TACC2: variants seen among roughly 807,000 people sequenced by gnomAD.
The protein encoded by TACC2 is transforming acidic coiled-coil-containing protein 2.
Under a neutral mutation model 227.3 loss-of-function variants are expected in TACC2, and 137 were observed. The ratio of observed to expected loss-of-function variants is 0.60; its 90% CI spans 0.52 to 0.69. The LOEUF is 0.69. Ranked by LOEUF, TACC2 falls within the 30% of genes least tolerant of loss-of-function variation. The pLI is 0.00. For synonymous variants in TACC2, 1,523 were observed against 1,487.5 expected (o/e 1.02, Z -0.55); for missense variants, 3,470 against 3,694.4 (o/e 0.94, Z 1.57).
intron 1 of TACC2, 66 bp from the exon 2 acceptor site, chr10:122,021,871 G>A: frequency 1.1e-6 from 1 of 902,748 alleles, no homozygotes; most frequent in Non-Finnish European, 1.8e-6. Flanking sequence ...GGGGAGATGA[G>A]CAGACAGAAA....
At chr10:122,082,562 G>T (rs2079638513) in intron 3 of TACC2, 85 bp from the exon 4 acceptor site, 32 of 1,465,056 alleles carry the variant, frequency 2.2e-5, no homozygotes, top group Non-Finnish European at 2.9e-5. Flanking sequence ...GCCCTTTTGT[G>T]GGGGTGGGTT....
At chr10:122,111,656 A>T (rs77141676) in intron 5 of TACC2, among the ~76,000 whole-genome samples, 1 of 147,526 alleles carries the variant, frequency 6.8e-6, no homozygotes, top group Non-Finnish European at 1.5e-5. Flanking sequence ...ATGCCCAGCT[A>T]TTTTTTTTTT....
At position 122,141,764 on chromosome 10, in the gene TACC2, A is replaced by G. The variant is rs1022125901; in HGVS notation, c.5700-1808A>G. On this transcript the variant is annotated intron_variant, in intron 6 of 22. Transcript: ENST00000369005. This position sits in a 1 kb window ranked among gnomAD's most constrained non-coding sequence, Gnocchi z 4.3. ...AGTACCCTTAAATCACAGAACCACA[A>G]ACAATACCACCTTTCCACAATTTGC... Among the ~76,000 whole-genome samples the G allele has an allele frequency of 2.0e-5, 3 of 152,148 alleles. No homozygotes were observed. The highest frequency in any genetic ancestry group is 4.8e-5 in the African/African-American group (2 of 41,438).
intron 8 of TACC2, among the ~76,000 whole-genome samples, chr10:122,203,393 G>A (rs548499550): frequency 2.0e-5 from 3 of 150,190 alleles, no homozygotes; most frequent in African/African-American, 7.5e-5. Flanking sequence ...CCTCCCGGAC[G>A]GGGCGGCTGG....
At chr10:122,027,748 AT>A (rs140880473) in intron 2 of TACC2, among the ~76,000 whole-genome samples, 60,863 of 142,720 alleles carry the variant, frequency 0.43, 13,216 homozygotes, top group African/African-American at 0.58. Context: ...ACTTTCTGGG[AT>A]TTTTTTTTTT....
At position 122,086,538 on chromosome 10, in the gene TACC2, A is replaced by G; in HGVS notation, c.4038A>G (p.Lys1346=). Residue 1346 remains lysine (K), a synonymous_variant, in exon 4 of 23, where the codon AAA becomes AAG. Transcript: ENST00000369005. ...AKGKQATGEE[K]AATAPGAGAK... is the part of the protein sequence containing the mutation. ...GCAAGCAGGCAACAGGGGAAGAGAAAGCAGCAACAGCTCCAGGTGCAGGTG... is the reference window on the plus strand; with the variant it reads ...GCAAGCAGGCAACAGGGGAAGAGAAGGCAGCAACAGCTCCAGGTGCAGGTG... The G allele has an allele frequency of 6.2e-7, 1 of 1,609,144 alleles. No individual in the cohort carries two copies. The highest frequency in any genetic ancestry group is 2.2e-5 in the East Asian group (1 of 44,810).
At chr10:122,154,372 T>A (rs2092321957) in intron 7 of TACC2, among the ~76,000 whole-genome samples, 1 of 152,218 alleles carries the variant, frequency 6.6e-6, no homozygotes, top group Non-Finnish European at 1.5e-5. Context: ...GGGAAATGCT[T>A]ATGCAAAGTA....
At chr10:122,005,423 C>T (rs1954961649) in intron 1 of TACC2, among the ~76,000 whole-genome samples, 1 of 148,056 alleles carries the variant, frequency 6.8e-6, no homozygotes, top group Admixed American at 6.9e-5. Context: ...CTCTGTCGCC[C>T]AGGCTGGATG....
intron 3 of TACC2, among the ~76,000 whole-genome samples, chr10:122,059,510 C>T (rs778993509): frequency 2.0e-4 from 30 of 152,068 alleles, no homozygotes; most frequent in African/African-American, 7.0e-4. Context: ...CTTTTGTTTG[C>T]GCTTTGGATA....
intron 7 of TACC2, among the ~76,000 whole-genome samples, chr10:122,173,889 A>G (rs2093591994): frequency 6.6e-6 from 1 of 152,292 alleles, no homozygotes; most frequent in Non-Finnish European, 1.5e-5. Context: ...CTCCAGCCCC[A>G]TGCACGTTCC....
chr10:122,044,538 A>G (rs1450724499), intron 2 of TACC2, among the ~76,000 whole-genome samples: 1 of 152,162 alleles, frequency 6.6e-6, no homozygotes, highest in Non-Finnish European at 1.5e-5. Flanking sequence ...GCTGCTCCCA[A>G]GGAGCTCGTT....
intron 19 of TACC2, chr10:122,247,296 A>G (rs1315723463): frequency 1.3e-5 from 2 of 152,322 alleles, no homozygotes; most frequent in Non-Finnish European, 2.9e-5. Flanking sequence ...TGATCTGTCT[A>G]TGGCAGCCAG....
intron 19 of TACC2, chr10:122,247,115 CGGG>C (rs1398864458): frequency 2.0e-5 from 3 of 152,914 alleles, no homozygotes; most frequent in African/African-American, 7.2e-5. Context: ...GAGGTCACTG[CGGG>C]GGAGCTCTGA....
At chr10:122,131,532 C>A (rs1054246685) in intron 5 of TACC2, among the ~76,000 whole-genome samples, 11 of 152,076 alleles carry the variant, frequency 7.2e-5, no homozygotes, top group African/African-American at 2.7e-4. Flanking sequence ...CATCATAGAT[C>A]TAAACTTTAA....
chr10:122,010,683 G>C (rs748558240), intron 1 of TACC2, among the ~76,000 whole-genome samples: 4 of 152,130 alleles, frequency 2.6e-5, no homozygotes, highest in African/African-American at 9.7e-5. Context: ...GTCTTCCCTC[G>C]TGTGGCATCC....
At chr10:122,088,420 A>G in intron 4 of TACC2, 58 bp from the exon 5 acceptor site, 2 of 1,442,266 alleles carry the variant, frequency 1.4e-6, no homozygotes, top group South Asian at 2.7e-5. Context: ...ATAGGACATG[A>G]GGAGAAATGC....
intron 18 of TACC2, among the ~76,000 whole-genome samples, chr10:122,240,269 C>G (rs1487809885): frequency 6.6e-6 from 1 of 152,210 alleles, no homozygotes; most frequent in Non-Finnish European, 1.5e-5. Flanking sequence ...CCTCAAAGAT[C>G]TATCACAGCT....
chr10:122,108,101 C>T (rs2083098179), intron 5 of TACC2, among the ~76,000 whole-genome samples: 2 of 151,520 alleles, frequency 1.3e-5, no homozygotes, highest in Admixed American at 6.6e-5. Context: ...CCATGTTAGC[C>T]AGGATGGTCT....
chr10:122,095,084 G>T (rs577075673), intron 5 of TACC2, among the ~76,000 whole-genome samples: 11 of 152,330 alleles, frequency 7.2e-5, no homozygotes, highest in African/African-American at 2.6e-4. Flanking sequence ...AGGACTAGGG[G>T]GCTAACTAGC....
Sources: allele counts gnomAD v4.1 joint callset (sites outside exome capture counted in the v4.1 genomes callset), GRCh38; gene constraint gnomAD v4.1.1; non-coding constraint Gnocchi (gnomAD v3.1); transcripts MANE v1.5; gene names NCBI Gene and HGNC (gene_info 2026-07-23, HGNC 2026-07-21).